The following SCLT1 variants were observed in gnomAD, a reference collection of about 807,000 sequenced individuals.
The protein encoded by SCLT1 is sodium channel and clathrin linker 1, also known as sodium channel-associated protein 1.
A neutral mutation model predicts 112.8 loss-of-function variants in SCLT1; 78 were observed. The observed-to-expected ratio is 0.69, with a 90% CI of 0.58 to 0.83. SCLT1 has a LOEUF of 0.83. SCLT1 is among the 40% of genes least tolerant of loss of function. SCLT1 has a pLI of 0.00. For missense variants in SCLT1, 747 were observed against 770.4 expected (o/e 0.97, Z 0.36); for synonymous variants, 257 against 254.7 (o/e 1.01, Z -0.09).
At chr4:128,945,968 T>G in intron 16 of SCLT1, 39 bp downstream of exon 16, 2 of 1,449,834 alleles carry the variant, frequency 1.4e-6, no homozygotes, top group Non-Finnish European at 1.9e-6. Context: ...GTGTGAATTC[T>G]GAAGATGTTA....
intron 3 of SCLT1, among the ~76,000 whole-genome samples, chr4:128,878,306 A>G (rs1230266901): frequency 1.3e-5 from 2 of 152,316 alleles, no homozygotes; most frequent in Admixed American, 6.5e-5. Flanking sequence ...CGAGTTTTAC[A>G]AATTACATTT....
intron 18 of SCLT1, among the ~76,000 whole-genome samples, chr4:128,934,260 C>T (rs1305611564): frequency 6.6e-6 from 1 of 151,738 alleles, no homozygotes; most frequent in Non-Finnish European, 1.5e-5. Flanking sequence ...AATGTGTGTA[C>T]ATATGTTGGT....
Position 128,997,494 on chromosome 4 carries a change from C to T in SCLT1, c.615+380G>A, listed in dbSNP as rs577917406. ...CATACCAACACATGGTCCTTAGTTT[C>T]CTAAAACTTTTTAGGCAATGGGCTA... On this transcript the variant is annotated intron_variant, in intron 8 of 20. Transcript: ENST00000281142. 1.8e-4 allele frequency among the ~76,000 whole-genome samples: 27 copies of T among 151,926 alleles called. No homozygotes were observed. In the South Asian group the frequency reaches 2.1e-3, roughly 12 times the overall value.
chr4:129,072,248 T>C (rs1055029450), intron 2 of SCLT1, among the ~76,000 whole-genome samples: 1 of 152,168 alleles, frequency 6.6e-6, no homozygotes. Context: ...ATTTTTTGCT[T>C]CATCTTAACT....
chr4:128,940,765 T>G lies in SCLT1; in HGVS notation c.1632+2231A>C, dbSNP rs192482229. On this transcript the variant is annotated intron_variant, in intron 17 of 20. Coordinates refer to ENST00000281142, the MANE Select transcript of SCLT1 (RefSeq NM_144643.4). ...ATATATTTTTTTTAATGTTTTGTATTTTCCATAATTTTACTATACATATAG... is the reference window on the plus strand; with the variant it reads ...ATATATTTTTTTTAATGTTTTGTATGTTCCATAATTTTACTATACATATAG... Among the ~76,000 whole-genome samples the G allele has an allele frequency of 1.9e-3, 296 of 152,004 alleles. 1 individual carries two copies. The highest frequency in any genetic ancestry group is 6.8e-3 in the African/African-American group (284 of 41,540).
chr4:128,899,455 C>T (rs1343521364), intron 18 of SCLT1, among the ~76,000 whole-genome samples: 1 of 152,098 alleles, frequency 6.6e-6, no homozygotes, highest in Non-Finnish European at 1.5e-5. Flanking sequence ...GCAGAAAAGG[C>T]CTTTGACAAA....
chr4:129,092,007 T>C (rs1034100025), intron 1 of SCLT1, among the ~76,000 whole-genome samples: 3 of 152,204 alleles, frequency 2.0e-5, no homozygotes, highest in Admixed American at 1.3e-4. Flanking sequence ...TCCCCTGATC[T>C]CCAGTCTCCC....
chr4:129,042,402 C>T (rs946815484), intron 4 of SCLT1, among the ~76,000 whole-genome samples: 4 of 152,008 alleles, frequency 2.6e-5, no homozygotes, highest in African/African-American at 4.8e-5. Flanking sequence ...CAATTTTGTG[C>T]TATTATTCTA....
Position 129,078,502 on chromosome 4 carries a change from A to G in SCLT1, c.102+3804T>C, listed in dbSNP as rs1262283971. Among the ~76,000 whole-genome samples, 3 of 152,098 alleles carry G rather than the reference A, an allele frequency of 2.0e-5. No individual in the cohort carries two copies. The East Asian group carries it at 5.8e-4, about 29-fold the overall frequency. On this transcript the variant is annotated intron_variant, in intron 2 of 20. Transcript: ENST00000281142. ...GCTGTTGGAATATGAAAGATTCTCT[A>G]TCACTTAAATTATTACAGTTATTAA...
At position 128,910,393 on chromosome 4, in the gene SCLT1, A is replaced by T. The variant is rs149194439; in HGVS notation, c.1830-19256T>A. 3.9e-4 allele frequency among the ~76,000 whole-genome samples: 60 copies of T among 152,304 alleles called. 1 individual carries two copies. Among genetic ancestry groups the T allele is most frequent in the African/African-American group, 1.3e-3 (55 of 41,580 alleles). On this transcript the variant is annotated intron_variant, in intron 18 of 20. Coordinates refer to ENST00000281142, the MANE Select transcript of SCLT1 (RefSeq NM_144643.4). ...ATGTTTAAAGGAGATTTGCATCGAT[A>T]CTTTTGTGAGCTTTGTTTGAACCAC...
At chr4:129,059,162 T>C (rs1450169041) in intron 2 of SCLT1, among the ~76,000 whole-genome samples, 1 of 152,148 alleles carries the variant, frequency 6.6e-6, no homozygotes, top group African/African-American at 2.4e-5. Context: ...TTTCCATCCA[T>C]ATGTATGTTT....
At chr4:128,916,370 T>A (rs567161285) in intron 18 of SCLT1, among the ~76,000 whole-genome samples, 2 of 152,214 alleles carry the variant, frequency 1.3e-5, no homozygotes, top group African/African-American at 2.4e-5. Flanking sequence ...CCAAATTGAT[T>A]TGTTACTTTT....
chr4:129,005,837 TA>T (rs989512957), intron 5 of SCLT1, among the ~76,000 whole-genome samples: 8 of 150,796 alleles, frequency 5.3e-5, no homozygotes, highest in African/African-American at 2.4e-5. Context: ...TATGCAGCCA[TA>T]AAAAATGATG....
intron 13 of SCLT1, among the ~76,000 whole-genome samples, chr4:128,955,081 T>C (rs954466445): frequency 2.0e-5 from 3 of 152,172 alleles, no homozygotes; most frequent in African/African-American, 7.2e-5. Context: ...TGTAGAACTA[T>C]TGACACTGAT....
At chr4:129,008,950 T>C (rs1441013115) in intron 5 of SCLT1, among the ~76,000 whole-genome samples, 2 of 152,224 alleles carry the variant, frequency 1.3e-5, no homozygotes, top group Non-Finnish European at 2.9e-5. Context: ...TTGCTAAGGA[T>C]AATCACCTCC....
intron 18 of SCLT1, among the ~76,000 whole-genome samples, chr4:128,923,142 G>T (rs989519160): frequency 1.3e-5 from 2 of 152,048 alleles, no homozygotes; most frequent in African/African-American, 4.8e-5. Flanking sequence ...TGTAACCACC[G>T]CTGCAATTAA....
chr4:129,026,625 A>T (rs1223182108), intron 5 of SCLT1, among the ~76,000 whole-genome samples: 1 of 152,186 alleles, frequency 6.6e-6, no homozygotes, highest in Non-Finnish European at 1.5e-5. Context: ...ACACCCTAAC[A>T]TCATAATTAA....
intron 18 of SCLT1, among the ~76,000 whole-genome samples, chr4:128,934,442 T>C (rs1182555461): frequency 1.3e-5 from 2 of 151,792 alleles, no homozygotes; most frequent in African/African-American, 2.4e-5. Flanking sequence ...TATAGGTATA[T>C]TGGTGGGGGA....
chr4:128,978,511 T>C (rs1019838644), intron 9 of SCLT1, among the ~76,000 whole-genome samples: 6 of 151,114 alleles, frequency 4.0e-5, no homozygotes, highest in Admixed American at 1.3e-4. Context: ...AAAGTCCTGG[T>C]AGAGAAATGT....
Sources: gnomAD v4.1 joint callset for allele counts (sites outside exome capture counted in the v4.1 genomes callset) on GRCh38, gnomAD v4.1.1 for gene constraint, MANE v1.5 for transcripts, NCBI Gene and HGNC (gene_info 2026-07-23, HGNC 2026-07-21) for gene names.